Variants in GLG1 observed in about 807,000 individuals in gnomAD.
GLG1 encodes the protein golgi glycoprotein 1.
In GLG1, 38 loss-of-function variants were observed where a neutral mutation model predicts 160.5. The ratio of observed to expected loss-of-function variants is 0.24; its 90% CI spans 0.18 to 0.31. The LOEUF is 0.31. GLG1 is among the 10% of genes least tolerant of loss of function. The pLI is 1.00. For missense variants in GLG1, 1,373 were observed against 1,505.2 expected (o/e 0.91, Z 1.45); for synonymous variants, 644 against 543.4 (o/e 1.19, Z -2.57).
intron 11 of GLG1, among the ~76,000 whole-genome samples, 159 bp from the exon 12 acceptor site, chr16:74,477,692 G>A (rs1974891): frequency 1.6e-4 from 25 of 152,058 alleles, no homozygotes; most frequent in Non-Finnish European, 2.8e-4. Context: ...TAAATGTTGC[G>A]GCCAGGTGCG....
intron 11 of GLG1, among the ~76,000 whole-genome samples, chr16:74,479,586 C>T (rs191801684): frequency 7.2e-5 from 11 of 152,244 alleles, no homozygotes; most frequent in Admixed American, 1.3e-4. Context: ...TTGCATTAAG[C>T]TCAGAAGGGG....
At chr16:74,545,743 T>C (rs1318389154) in intron 1 of GLG1, among the ~76,000 whole-genome samples, 2 of 152,234 alleles carry the variant, frequency 1.3e-5, no homozygotes, top group African/African-American at 4.8e-5. Flanking sequence ...AGACATCTTT[T>C]AACATGCAAA....
intron 9 of GLG1, 95 bp downstream of exon 9, chr16:74,485,696 TTAAGA>T (rs921937437): frequency 2.3e-5 from 25 of 1,080,578 alleles, no homozygotes; most frequent in East Asian, 2.4e-5. Context: ...AAAATTTCAG[TTAAGA>T]TGTCAACAAC....
At chr16:74,548,164 T>A (rs1173859683) in intron 1 of GLG1, among the ~76,000 whole-genome samples, 2 of 152,230 alleles carry the variant, frequency 1.3e-5, no homozygotes, top group African/African-American at 4.8e-5. Flanking sequence ...ACGAGCACTT[T>A]AGCTGCTCTG....
Position 74,452,001 on chromosome 16 carries a change from AC to A in GLG1, c.*1165del. ...TGTGATAACTTTCCACACCCTCTCCACGTAGAGGCACAAAGGAGCTTGTCTG... is the reference window on the plus strand; with the variant it reads ...TGTGATAACTTTCCACACCCTCTCCAGTAGAGGCACAAAGGAGCTTGTCTG... On this transcript the variant is annotated 3_prime_UTR_variant, in exon 26 of 26. Transcript: ENST00000422840. 1 of 1,227,542 alleles carries A rather than the reference AC, an allele frequency of 8.1e-7. No homozygotes were observed. The highest frequency in any genetic ancestry group is 1.2e-6 in the Non-Finnish European group (1 of 827,294). The allele number at this position is 1,227,542 out of a possible 1,614,324, so 76.0% of individuals were successfully genotyped here.
intron 1 of GLG1, among the ~76,000 whole-genome samples, chr16:74,542,982 A>G (rs1304609163): frequency 6.6e-6 from 1 of 152,096 alleles, no homozygotes; most frequent in Non-Finnish European, 1.5e-5. Flanking sequence ...TGATGCAAAA[A>G]AGTCCTGAAA....
chr16:74,532,506 C>A (rs184132802), intron 1 of GLG1, among the ~76,000 whole-genome samples: 7 of 152,072 alleles, frequency 4.6e-5, no homozygotes, highest in Non-Finnish European at 7.4e-5. Flanking sequence ...CAGAGAAAGT[C>A]GCTCAATTTT....
intron 1 of GLG1, among the ~76,000 whole-genome samples, chr16:74,586,156 G>GA (rs1402467829): frequency 6.6e-6 from 1 of 151,708 alleles, no homozygotes; most frequent in African/African-American, 2.4e-5. Flanking sequence ...AGCTGATAAG[G>GA]AAAAAAACAA....
At chr16:74,603,354 G>A (rs1421996017) in intron 1 of GLG1, among the ~76,000 whole-genome samples, 4 of 147,710 alleles carry the variant, frequency 2.7e-5, no homozygotes, top group African/African-American at 1.0e-4. Flanking sequence ...AGGTTGCAGT[G>A]AGCCGAGATC....
intron 1 of GLG1, among the ~76,000 whole-genome samples, chr16:74,582,907 T>C (rs1957970274): frequency 6.6e-6 from 1 of 152,110 alleles, no homozygotes; most frequent in Non-Finnish European, 1.5e-5. Flanking sequence ...ATTCTATCTC[T>C]TTTACCAGAA....
At chr16:74,457,130 T>C (rs943834840) in intron 24 of GLG1, among the ~76,000 whole-genome samples, 3 of 152,116 alleles carry the variant, frequency 2.0e-5, no homozygotes, top group Non-Finnish European at 4.4e-5. Context: ...CATAGTGGCT[T>C]ATGCCTGTAA....
At chr16:74,556,699 T>G (rs2018363439) in intron 1 of GLG1, among the ~76,000 whole-genome samples, 1 of 149,748 alleles carries the variant, frequency 6.7e-6, no homozygotes, top group South Asian at 2.1e-4. Flanking sequence ...TTTTATTATT[T>G]TATATATACA....
intron 4 of GLG1, among the ~76,000 whole-genome samples, chr16:74,498,467 T>TATATATA (rs1555510304): frequency 3.0e-4 from 17 of 55,894 alleles, no homozygotes; most frequent in Non-Finnish European, 5.4e-4. Flanking sequence ...TATATATATA[T>TATATATA]TATATTTTAT....
chr16:74,493,647 A>G (rs139237624), intron 6 of GLG1, among the ~76,000 whole-genome samples: 121 of 152,368 alleles, frequency 7.9e-4, no homozygotes, highest in African/African-American at 2.8e-3. Context: ...TCAGCTACAC[A>G]GGAAAGTAAA....
intron 8 of GLG1, among the ~76,000 whole-genome samples, chr16:74,486,610 G>T (rs2015792592): frequency 6.6e-6 from 1 of 152,100 alleles, no homozygotes; most frequent in Admixed American, 6.6e-5. Context: ...ATGGAACAAA[G>T]GAAAGACAGG....
intron 1 of GLG1, among the ~76,000 whole-genome samples, chr16:74,597,682 T>G (rs1053372775): frequency 8.6e-5 from 13 of 151,168 alleles, no homozygotes; most frequent in African/African-American, 3.2e-4. Flanking sequence ...TGAAATCCCA[T>G]CTCTACTAAA....
At chr16:74,570,114 T>C (rs1172178961) in intron 1 of GLG1, among the ~76,000 whole-genome samples, 2 of 152,020 alleles carry the variant, frequency 1.3e-5, no homozygotes. Flanking sequence ...TGCTCCATAA[T>C]TACAAAATAT....
At chr16:74,571,957 C>A (rs542083075) in intron 1 of GLG1, among the ~76,000 whole-genome samples, 2 of 152,342 alleles carry the variant, frequency 1.3e-5, no homozygotes, top group African/African-American at 4.8e-5. Context: ...TCCTGACGCA[C>A]AGATCTAACT....
intron 1 of GLG1, among the ~76,000 whole-genome samples, chr16:74,566,168 T>C (rs1346666788): frequency 6.6e-6 from 1 of 152,080 alleles, no homozygotes; most frequent in Non-Finnish European, 1.5e-5. Context: ...TTGGCCAAGG[T>C]TTCTCCACTG....
Sources: allele counts gnomAD v4.1 joint callset (sites outside exome capture counted in the v4.1 genomes callset), GRCh38; gene constraint gnomAD v4.1.1; transcripts MANE v1.5; gene names NCBI Gene and HGNC (gene_info 2026-07-23, HGNC 2026-07-21).